RNGTT: variants seen among roughly 807,000 people sequenced by gnomAD.
The protein encoded by RNGTT is RNA guanylyltransferase and 5'-phosphatase, also known as mRNA-capping enzyme.
Under a neutral mutation model 79.3 loss-of-function variants are expected in RNGTT, and 33 were observed. That is an observed-to-expected ratio of 0.42 (90% CI 0.32 to 0.56). The LOEUF (loss-of-function observed/expected upper bound fraction) is 0.56. Among genes scored for constraint, RNGTT ranks in the 20% least tolerant of loss-of-function variants. The pLI, the probability that RNGTT is intolerant of heterozygous loss-of-function variation, is 0.17. For synonymous variants in RNGTT, 222 were observed against 235.9 expected (o/e 0.94, Z 0.54); for missense variants, 497 against 739.1 (o/e 0.67, Z 3.80).
chr6:88,707,629 C>T (rs1776173666), intron 13 of RNGTT, among the ~76,000 whole-genome samples: 1 of 151,452 alleles, frequency 6.6e-6, no homozygotes, highest in African/African-American at 2.4e-5. Flanking sequence ...GTTTCCCTGC[C>T]TGAAACTCAT....
chr6:88,737,251 T>C (rs1324194425), intron 13 of RNGTT, among the ~76,000 whole-genome samples: 1 of 152,216 alleles, frequency 6.6e-6, no homozygotes, highest in Non-Finnish European at 1.5e-5. Context: ...ATGTTTATCC[T>C]ATGCCTGTCC....
chr6:88,876,869 A>C (rs1782535251), intron 8 of RNGTT, among the ~76,000 whole-genome samples: 2 of 152,246 alleles, frequency 1.3e-5, no homozygotes, highest in African/African-American at 4.8e-5. Context: ...GTATCTGCTC[A>C]GCTCTAAGAG....
At chr6:88,884,644 AAAATT>A (rs2127930107) in intron 8 of RNGTT, among the ~76,000 whole-genome samples, 1 of 152,330 alleles carries the variant, frequency 6.6e-6, no homozygotes. Context: ...AGAAAAATGA[AAAATT>A]AAAATCAACA....
intron 13 of RNGTT, among the ~76,000 whole-genome samples, chr6:88,740,966 A>C (rs1777467975): frequency 6.6e-6 from 1 of 152,218 alleles, no homozygotes. Context: ...GTTAGGCTGC[A>C]GAGAAAATGG....
At chr6:88,912,281 A>G (rs1783851506) in intron 4 of RNGTT, among the ~76,000 whole-genome samples, 1 of 151,896 alleles carries the variant, frequency 6.6e-6, no homozygotes, top group African/African-American at 2.4e-5. Flanking sequence ...GCATGGTGGC[A>G]TGCACCTGTA....
chr6:88,656,814 G>A lies in RNGTT; in HGVS notation c.1506+21539C>T, dbSNP rs557646708. On this transcript the variant is annotated intron_variant, in intron 14 of 15. Coordinates refer to ENST00000369485, the MANE Select transcript of RNGTT (RefSeq NM_003800.5). ...AAAAAAGTAAGTTGAGGAAGGCCAG[G>A]CACAGTGGCTCATATCTGTAATCCC... is the stretch of plus-strand genomic sequence containing the variant. 7.9e-5 allele frequency among the ~76,000 whole-genome samples: 12 copies of A among 151,912 alleles called. No homozygotes were observed. In the East Asian group the frequency reaches 1.9e-3, roughly 24 times the overall value.
chr6:88,652,199 A>T (rs911124853), intron 14 of RNGTT, among the ~76,000 whole-genome samples: 2 of 152,164 alleles, frequency 1.3e-5, no homozygotes, highest in Non-Finnish European at 2.9e-5. Flanking sequence ...AATATTTAAC[A>T]TATTTTAGTA....
At chr6:88,796,775 A>C (rs974941574) in intron 12 of RNGTT, among the ~76,000 whole-genome samples, 1 of 152,188 alleles carries the variant, frequency 6.6e-6, no homozygotes, top group Non-Finnish European at 1.5e-5. Flanking sequence ...TGTCTTAGGA[A>C]GCTTATTACA....
At chr6:88,841,814 G>A (rs1486886985) in intron 11 of RNGTT, among the ~76,000 whole-genome samples, 1 of 152,196 alleles carries the variant, frequency 6.6e-6, no homozygotes, top group Non-Finnish European at 1.5e-5. Context: ...CACAAAAGGT[G>A]TAACATTCCT....
At chr6:88,821,041 C>T (rs994167080) in intron 11 of RNGTT, among the ~76,000 whole-genome samples, 1 of 152,036 alleles carries the variant, frequency 6.6e-6, no homozygotes, top group African/African-American at 2.4e-5. Flanking sequence ...ACTGACACTA[C>T]CAGACTCAAA....
rs764206640 is a variant in RNGTT, at chr6:88,801,588, A to G, written c.1314T>C (p.Asp438=). ...CTCCAGTAGGCTGAAAAATAAGTCC[A>G]TCCATTTCATGGCTCACTTCTTTGG... ...NFAKEVSHEM[D]GLIFQPTGKY... The change falls in exon 12 of 16, where the codon GAT becomes GAC. Residue 438 remains aspartate, a synonymous_variant. Transcript: ENST00000369485. The G allele has an allele frequency of 2.5e-6, 4 of 1,612,566 alleles. No individual in the cohort carries two copies. The highest frequency in any genetic ancestry group is 2.2e-5 in the South Asian group (2 of 90,990).
In RNGTT at chr6:88,820,572, T is replaced by C. The variant is rs545684248; in HGVS notation, c.1270-18940A>G. On this transcript the variant is annotated intron_variant, in intron 11 of 15. Coordinates refer to ENST00000369485, the MANE Select transcript of RNGTT (RefSeq NM_003800.5). Reference sequence around the variant, plus strand: ...AACTCCTGGAACTAATAAGCAATTATAGCCAGGTTTCAGGACACAAATATA... The same window carrying C: ...AACTCCTGGAACTAATAAGCAATTACAGCCAGGTTTCAGGACACAAATATA... Among the ~76,000 whole-genome samples the C allele has an allele frequency of 3.9e-5, 6 of 152,332 alleles. No individual in the cohort carries two copies. The South Asian group carries it at 8.3e-4, about 21-fold the overall frequency.
In RNGTT at chr6:88,930,149, C is replaced by T. The variant is rs186524737; in HGVS notation, c.175-882G>A. On this transcript the variant is annotated intron_variant, in intron 2 of 15. Coordinates refer to ENST00000369485, the MANE Select transcript of RNGTT (RefSeq NM_003800.5). ...ACACGTATACATACATATACATATA[C>T]GTACATACATATATACATATACATA... Among the ~76,000 whole-genome samples, 66 of 139,596 alleles carry T rather than the reference C, an allele frequency of 4.7e-4. 1 individual carries two copies. The South Asian group carries it at 6.3e-3, about 13-fold the overall frequency. The allele number at this position is 139,596 out of a possible 152,430, so 91.6% of individuals were successfully genotyped here.
At chr6:88,820,890 T>C (rs1227773387) in intron 11 of RNGTT, among the ~76,000 whole-genome samples, 1 of 152,102 alleles carries the variant, frequency 6.6e-6, no homozygotes, top group African/African-American at 2.4e-5. Context: ...CCCAATTTGA[T>C]CTACAGATTC....
chr6:88,841,414 G>C (rs1781283499), intron 11 of RNGTT, among the ~76,000 whole-genome samples: 1 of 152,216 alleles, frequency 6.6e-6, no homozygotes, highest in Non-Finnish European at 1.5e-5. Flanking sequence ...AAGCAGACTA[G>C]AGTAGGAGCA....
In RNGTT at chr6:88,853,742, T is replaced by G; in HGVS notation, c.919A>C (p.Thr307Pro). Residue 307 changes from threonine (T) to proline (P), a missense_variant, in exon 9 of 16, where the codon ACA becomes CCA. Coordinates refer to ENST00000369485, the MANE Select transcript of RNGTT (RefSeq NM_003800.5). ...CTATCAATCATAAAAACTTCATTTG[T>G]GCCATCAATCAACATCATGTACCTG... ...GTRYMMLIDG[T>P]NEVFMIDRDN... 6.4e-7 allele frequency: 1 copy of G among 1,566,070 alleles called. No homozygotes were observed. Among genetic ancestry groups the G allele is most frequent in the South Asian group, 1.1e-5 (1 of 87,792 alleles).
chr6:88,662,379 T>C (rs1049795994), intron 14 of RNGTT, among the ~76,000 whole-genome samples: 3 of 152,212 alleles, frequency 2.0e-5, no homozygotes, highest in African/African-American at 7.2e-5. Flanking sequence ...CTGATGCATG[T>C]AGCTCTCAGT....
At chr6:88,900,746 T>C (rs1333677315) in intron 6 of RNGTT, among the ~76,000 whole-genome samples, 4 of 58,298 alleles carry the variant, frequency 6.9e-5, no homozygotes, top group African/African-American at 2.9e-4. Flanking sequence ...AAAAAATAAA[T>C]AAAAAGAATA....
intron 13 of RNGTT, among the ~76,000 whole-genome samples, chr6:88,761,439 T>C (rs945673299): frequency 2.6e-5 from 4 of 152,032 alleles, no homozygotes; most frequent in African/African-American, 9.7e-5. Flanking sequence ...TACAGTGAGC[T>C]GAGATTGCAC....
Sources: allele counts gnomAD v4.1 joint callset (sites outside exome capture counted in the v4.1 genomes callset), GRCh38; gene constraint gnomAD v4.1.1; transcripts MANE v1.5; gene names NCBI Gene and HGNC (gene_info 2026-07-23, HGNC 2026-07-21).